ZC4H2: variants seen among roughly 807,000 people sequenced by gnomAD.
ZC4H2 encodes zinc finger C4H2 domain-containing protein.
For missense variants in ZC4H2, 137 were observed against 173.9 expected (o/e 0.79, Z 1.19); for synonymous variants, 84 against 66.3 (o/e 1.27, Z -1.30).
At chrX:64,946,448 C>T (rs756942248) in intron 1 of ZC4H2, among the ~76,000 whole-genome samples, 12 of 110,447 alleles carry the variant, frequency 1.1e-4, no homozygotes, top group South Asian at 4.0e-4. Flanking sequence ...CCAGTCCCAA[C>T]GAGAGGAACC....
intron 1 of ZC4H2, among the ~76,000 whole-genome samples, chrX:64,942,655 A>G (rs1037942608): frequency 3.5e-4 from 39 of 111,457 alleles, no homozygotes; most frequent in African/African-American, 1.2e-3. Context: ...TGCAAGGGAC[A>G]TGAACTCCTT....
At chrX:64,994,341 G>T (rs1260318851) in intron 1 of ZC4H2, among the ~76,000 whole-genome samples, 3 of 111,968 alleles carry the variant, frequency 2.7e-5, no homozygotes, top group Admixed American at 1.9e-4. Context: ...AAGGGTCAAA[G>T]CCAGGCAATC....
chrX:65,032,853 T>C (rs191380398), intron 1 of ZC4H2, among the ~76,000 whole-genome samples: 14 of 109,748 alleles, frequency 1.3e-4, no homozygotes, highest in Non-Finnish European at 2.5e-4. Context: ...CTCGGCTCAC[T>C]GCAACCTCCA....
chrX:64,944,141 CTTTTTTTT>C (rs746540220), intron 1 of ZC4H2, among the ~76,000 whole-genome samples: 1 of 89,175 alleles, frequency 1.1e-5, no homozygotes, highest in African/African-American at 4.4e-5. Context: ...TTTCTTTTTT[CTTTTTTTT>C]TTTTTTTTTG....
intron 1 of ZC4H2, among the ~76,000 whole-genome samples, chrX:64,994,373 G>A (rs757575913): frequency 2.7e-5 from 3 of 111,933 alleles, no homozygotes; most frequent in Non-Finnish European, 5.6e-5. Context: ...CTCATGTGTT[G>A]ACCACTATGC....
At chrX:64,931,821 A>G (rs1293216381) in intron 1 of ZC4H2, among the ~76,000 whole-genome samples, 4 of 111,769 alleles carry the variant, frequency 3.6e-5, no homozygotes, top group African/African-American at 9.7e-5. Context: ...AAGAATGCAT[A>G]TTCTGTAGTT....
At chrX:64,928,264 T>G (rs1426683493) in intron 1 of ZC4H2, among the ~76,000 whole-genome samples, 1 of 112,339 alleles carries the variant, frequency 8.9e-6, no homozygotes, top group Non-Finnish European at 1.9e-5. Flanking sequence ...AGGTCTTACA[T>G]TTAAGTCTGT....
chrX:64,986,288 C>T lies in ZC4H2; in HGVS notation c.-272+48341G>A, dbSNP rs778838987. On this transcript the variant is annotated intron_variant, in intron 1 of 4. Transcript: ENST00000337990. ...ACAGCTTTTTGGTCTATTAGTCCTC[C>T]AGTCCCAAGCTAGATGCTCTGCCTT... Among the ~76,000 whole-genome samples, 3 of 112,153 alleles carry T rather than the reference C, an allele frequency of 2.7e-5. No individual in the cohort carries two copies. The South Asian group carries it at 1.1e-3, about 41-fold the overall frequency.
chrX:65,006,293 A>G (rs774550795), intron 1 of ZC4H2, among the ~76,000 whole-genome samples: 2 of 111,967 alleles, frequency 1.8e-5, no homozygotes, highest in Non-Finnish European at 3.8e-5. Context: ...ACAATAGCAT[A>G]GACTTGGAAC....
intron 1 of ZC4H2, among the ~76,000 whole-genome samples, chrX:64,944,544 C>G (rs1478760342): frequency 9.0e-6 from 1 of 110,828 alleles, no homozygotes; most frequent in African/African-American, 3.3e-5. Context: ...GTGAATCTGA[C>G]GCTTATGTGT....
chrX:64,921,147 T>C (rs1929177875), intron 2 of ZC4H2, among the ~76,000 whole-genome samples: 1 of 112,408 alleles, frequency 8.9e-6, no homozygotes, highest in African/African-American at 3.2e-5. Context: ...TCCAGAAATA[T>C]AAACTTAGTT....
chrX:64,954,713 G>A (rs915313929), intron 1 of ZC4H2, among the ~76,000 whole-genome samples: 20 of 108,731 alleles, frequency 1.8e-4, no homozygotes, highest in African/African-American at 4.7e-4. Context: ...CATTTGGACC[G>A]GATAAGAATT....
chrX:64,941,144 C>T (rs768843439), intron 1 of ZC4H2, among the ~76,000 whole-genome samples: 1 of 111,488 alleles, frequency 9.0e-6, no homozygotes, highest in Non-Finnish European at 1.9e-5. Context: ...GTATTTTATT[C>T]TCTTAATAGC....
At chrX:64,942,396 G>A (rs1314049941) in intron 1 of ZC4H2, among the ~76,000 whole-genome samples, 4 of 110,183 alleles carry the variant, frequency 3.6e-5, no homozygotes, top group Admixed American at 9.7e-5. Context: ...TGTGCAGAAT[G>A]TGCAGGTTTG....
At chrX:65,015,530 T>C (rs1010460803) in intron 1 of ZC4H2, among the ~76,000 whole-genome samples, 13 of 111,966 alleles carry the variant, frequency 1.2e-4, no homozygotes. Flanking sequence ...TGGGTTAGCC[T>C]TACTCCTCAA....
intron 1 of ZC4H2, among the ~76,000 whole-genome samples, chrX:65,016,440 G>A (rs938263777): frequency 8.9e-6 from 1 of 112,271 alleles, no homozygotes; most frequent in Non-Finnish European, 1.9e-5. Context: ...GTATGATCAT[G>A]TTGTAATAAT....
intron 1 of ZC4H2, among the ~76,000 whole-genome samples, chrX:64,997,354 C>A (rs1932437391): frequency 8.9e-6 from 1 of 111,951 alleles, no homozygotes; most frequent in Non-Finnish European, 1.9e-5. Flanking sequence ...ATAGGAAGTC[C>A]TTCAGGTTGA....
Position 64,916,579 on chromosome X carries a change from C to A in ZC4H2, c.*1204G>T, listed in dbSNP as rs941735576. The A allele has an allele frequency of 5.4e-5, 6 of 111,923 alleles. No homozygotes were observed. The highest frequency in any genetic ancestry group is 7.5e-5 in the Non-Finnish European group (4 of 53,157). The allele number at this position is 111,923 out of a possible 1,213,427, so 9.2% of individuals were successfully genotyped here. A position where few individuals can be genotyped will look rare whatever the true frequency, so the allele number is the denominator to read the frequency against. On this transcript the variant is annotated 3_prime_UTR_variant, in exon 5 of 5. Coordinates refer to ENST00000374839, the MANE Select transcript of ZC4H2 (RefSeq NM_018684.4). ...GAAGGAAAAATATCCCCCTCCCCAG[C>A]CAGGTACTGAGACCTGGGGCTAAAA...
intron 1 of ZC4H2, among the ~76,000 whole-genome samples, chrX:64,932,674 G>T (rs1209709517): frequency 3.6e-5 from 4 of 111,707 alleles, no homozygotes; most frequent in Non-Finnish European, 7.5e-5. Flanking sequence ...GTTTCAGGAG[G>T]TGAAAGGTAA....
Sources: gnomAD v4.1 joint callset for allele counts (sites outside exome capture counted in the v4.1 genomes callset) on GRCh38, gnomAD v4.1.1 for gene constraint, MANE v1.5 for transcripts, NCBI Gene and HGNC (gene_info 2026-07-23, HGNC 2026-07-21) for gene names.